The following LHFPL3 variants were observed in gnomAD, a reference collection of about 807,000 sequenced individuals.
The protein encoded by LHFPL3 is LHFPL tetraspan subfamily member 3 protein.
Under a neutral mutation model 19.3 loss-of-function variants are expected in LHFPL3, and 5 were observed. The ratio of observed to expected loss-of-function variants is 0.26; its 90% CI spans 0.14 to 0.54. The LOEUF (loss-of-function observed/expected upper bound fraction) is 0.54, where lower values mean the gene tolerates loss of function less well. Among genes scored for constraint, LHFPL3 ranks in the 20% least tolerant of loss-of-function variants. LHFPL3 has a pLI of 0.94. For synonymous variants in LHFPL3, 133 were observed against 126.2 expected, an observed-to-expected ratio of 1.05 and a Z score of -0.36; for missense variants, 249 against 307.4, an observed-to-expected ratio of 0.81 and a Z score of 1.42.
intron 1 of LHFPL3, among the ~76,000 whole-genome samples, chr7:104,730,690 A>T (rs894133067): frequency 2.6e-5 from 4 of 152,210 alleles, no homozygotes; most frequent in South Asian, 4.1e-4. Flanking sequence ...TCCCATTCTG[A>T]AGGTTGCCTG....
At chr7:104,418,060 G>T (rs1211991179) in intron 1 of LHFPL3, among the ~76,000 whole-genome samples, 1 of 151,758 alleles carries the variant, frequency 6.6e-6, no homozygotes. Flanking sequence ...ATTTTTAGTA[G>T]AGACAGGGTT....
intron 1 of LHFPL3, among the ~76,000 whole-genome samples, chr7:104,652,373 C>T (rs1362173479): frequency 6.6e-6 from 1 of 152,064 alleles, no homozygotes; most frequent in Non-Finnish European, 1.5e-5. Context: ...GATGGCAGCA[C>T]CATGGACACT....
At chr7:104,467,917 C>T (rs1792824805) in intron 1 of LHFPL3, among the ~76,000 whole-genome samples, 1 of 152,116 alleles carries the variant, frequency 6.6e-6, no homozygotes, top group African/African-American at 2.4e-5. Flanking sequence ...CCATGAATTT[C>T]CTTACTGTTC....
chr7:104,388,433 T>C (rs934796660), intron 1 of LHFPL3, among the ~76,000 whole-genome samples: 5 of 152,144 alleles, frequency 3.3e-5, no homozygotes, highest in African/African-American at 1.2e-4. Flanking sequence ...CCAGAAATTG[T>C]TAAGTCCAGA....
chr7:104,456,758 G>A (rs1335254935), intron 1 of LHFPL3, among the ~76,000 whole-genome samples: 1 of 152,088 alleles, frequency 6.6e-6, no homozygotes, highest in Non-Finnish European at 1.5e-5. Context: ...TGTGATAGTC[G>A]ATCTGATAAC....
chr7:104,459,761 G>T (rs1177915691), intron 1 of LHFPL3, among the ~76,000 whole-genome samples: 2 of 152,102 alleles, frequency 1.3e-5, no homozygotes, highest in African/African-American at 2.4e-5. Context: ...TTTGAGTAAG[G>T]TATACTCCTT....
At chr7:104,903,139 A>G (rs1414925786) in intron 2 of LHFPL3, among the ~76,000 whole-genome samples, 2 of 152,068 alleles carry the variant, frequency 1.3e-5, no homozygotes, top group Non-Finnish European at 2.9e-5. Context: ...TTCCCAGCCC[A>G]CTGAGAACAG....
At chr7:104,350,905 TG>T (rs1215030801) in intron 1 of LHFPL3, among the ~76,000 whole-genome samples, 1 of 152,062 alleles carries the variant, frequency 6.6e-6, no homozygotes, top group Non-Finnish European at 1.5e-5. Flanking sequence ...CTGAGAGTGG[TG>T]GCTTACGCCT....
chr7:104,330,759 A>G (rs952423453), intron 1 of LHFPL3, among the ~76,000 whole-genome samples: 10 of 151,824 alleles, frequency 6.6e-5, no homozygotes, highest in African/African-American at 2.2e-4. Flanking sequence ...TCCTCACTCT[A>G]TGTTTTTATA....
chr7:104,414,160 TTAGTATGAA>T (rs1243469998), intron 1 of LHFPL3, among the ~76,000 whole-genome samples: 1 of 152,120 alleles, frequency 6.6e-6, no homozygotes, highest in Non-Finnish European at 1.5e-5. Context: ...TCATTGGCAT[TTAGTATGAA>T]TAGTAGATGG....
At chr7:104,360,596 C>A (rs1433551696) in intron 1 of LHFPL3, among the ~76,000 whole-genome samples, 1 of 151,650 alleles carries the variant, frequency 6.6e-6, no homozygotes, top group African/African-American at 2.4e-5. Flanking sequence ...ATACATGGAG[C>A]TTGATGATAA....
chr7:104,738,815 C>A (rs1009950571), intron 2 of LHFPL3: 3 of 152,084 alleles, frequency 2.0e-5, no homozygotes, highest in Non-Finnish European at 4.4e-5. Flanking sequence ...AACAAAGCAT[C>A]GTGTTCCGTC....
chr7:104,721,824 T>C (rs563091575), intron 1 of LHFPL3, among the ~76,000 whole-genome samples: 4 of 152,290 alleles, frequency 2.6e-5, no homozygotes, highest in East Asian at 3.9e-4. Context: ...TATTGGAGAA[T>C]CAAATGAGAT....
intron 2 of LHFPL3, among the ~76,000 whole-genome samples, chr7:104,840,837 TC>T (rs1240674571): frequency 6.6e-6 from 1 of 152,172 alleles, no homozygotes; most frequent in East Asian, 1.9e-4. Flanking sequence ...TCATGGTTTT[TC>T]TAACATTCTA....
chr7:104,378,532 T>C (rs1480486455), intron 1 of LHFPL3, among the ~76,000 whole-genome samples: 1 of 152,208 alleles, frequency 6.6e-6, no homozygotes, highest in Non-Finnish European at 1.5e-5. Context: ...TGTTGCAACA[T>C]ATTTTTACTT....
At chr7:104,614,647 T>TTC (rs1459597665) in intron 1 of LHFPL3, among the ~76,000 whole-genome samples, 125 of 95,954 alleles carry the variant, frequency 1.3e-3, no homozygotes, top group South Asian at 5.3e-3. Flanking sequence ...TCTTCTCTTC[T>TTC]CTTCTCTCCT....
chr7:104,399,246 C>A lies in LHFPL3; in HGVS notation c.445+70022C>A, dbSNP rs1791260077. ...TTTCCAGCTGGACAAGGCCCTGGTG[C>A]AGATTTAGGGTGCTAGAATAAGCAT... On this transcript the variant is annotated intron_variant, in intron 1 of 2. Transcript: ENST00000424859. The surrounding 1 kb of genome is among the most constrained non-coding windows in gnomAD (Gnocchi z 4.4). Among the ~76,000 whole-genome samples, 1 of 152,018 alleles carries A rather than the reference C, an allele frequency of 6.6e-6. No homozygotes were observed. Among genetic ancestry groups the A allele is most frequent in the Non-Finnish European group, 1.5e-5 (1 of 68,014 alleles).
intron 1 of LHFPL3, among the ~76,000 whole-genome samples, chr7:104,467,789 C>T (rs1430794685): frequency 6.6e-6 from 1 of 152,198 alleles, no homozygotes; most frequent in Non-Finnish European, 1.5e-5. Context: ...AAATTATCAA[C>T]TTGGATACCA....
rs973354970 is a variant in LHFPL3 at position 104,548,768 on chromosome 7, A to G, written c.446-187907A>G. Among the ~76,000 whole-genome samples the G allele has an allele frequency of 4.6e-5, 7 of 152,216 alleles. No individual in the cohort carries two copies. The South Asian group carries it at 1.0e-3, about 23-fold the overall frequency. On this transcript the variant is annotated intron_variant, in intron 1 of 2. Coordinates refer to ENST00000424859, the MANE Select transcript of LHFPL3 (RefSeq NM_199000.3). ...CTTTCTATGAAAGAGACACAAAACA[A>G]TGGTCCTCAATAAGTCAGAGCACAA...
Sources: allele counts gnomAD v4.1 joint callset (sites outside exome capture counted in the v4.1 genomes callset), GRCh38; gene constraint gnomAD v4.1.1; non-coding constraint Gnocchi (gnomAD v3.1); transcripts MANE v1.5; gene names NCBI Gene and HGNC (gene_info 2026-07-23, HGNC 2026-07-21).